The following CADPS variants were observed in gnomAD, a reference collection of about 807,000 sequenced individuals.
The protein encoded by CADPS is calcium dependent secretion activator.
In CADPS, 57 loss-of-function variants were observed where a neutral mutation model predicts 167.3. The observed-to-expected ratio is 0.34, with a 90% CI of 0.28 to 0.42. CADPS has a LOEUF of 0.42. CADPS is among the 20% of genes least tolerant of loss of function. The probability of loss-of-function intolerance (pLI) is 1.00; values close to 1 mark genes in which losing one functional copy is unlikely to be tolerated. For missense variants in CADPS, 1,414 were observed against 1,738.1 expected (o/e 0.81, Z 3.32); for synonymous variants, 676 against 635.3 (o/e 1.06, Z -0.96).
intron 28 of CADPS, chr3:62,404,531 GAC>G (rs1272423916): frequency 1.3e-5 from 2 of 152,222 alleles, no homozygotes; most frequent in South Asian, 2.1e-4. Flanking sequence ...TGCAAGAAAC[GAC>G]ACAGTCTCAG....
At chr3:62,820,864 G>A (rs1162642674) in intron 1 of CADPS, among the ~76,000 whole-genome samples, 6 of 148,604 alleles carry the variant, frequency 4.0e-5, no homozygotes, top group African/African-American at 1.5e-4. Context: ...GCAGTGGTGC[G>A]ATCTTGGCTC....
chr3:62,771,012 T>A (rs562327043), intron 1 of CADPS, among the ~76,000 whole-genome samples: 18 of 152,192 alleles, frequency 1.2e-4, no homozygotes, highest in Non-Finnish European at 2.6e-4. Flanking sequence ...ATACCACAAT[T>A]TATCCATTTT....
chr3:62,560,327 G>T lies in CADPS; in HGVS notation c.1645-2814C>A, dbSNP rs558215818. Among the ~76,000 whole-genome samples the T allele has an allele frequency of 3.3e-5, 5 of 152,258 alleles. No homozygotes were observed. The East Asian group carries it at 9.7e-4, about 29-fold the overall frequency. Reference sequence around the variant, plus strand: ...TTCCACAAGACCACACTAAGTAAAAGCCATTTCCCATGAAATGCATGTTCC... The same window carrying T: ...TTCCACAAGACCACACTAAGTAAAATCCATTTCCCATGAAATGCATGTTCC... On this transcript the variant is annotated intron_variant, in intron 9 of 29. Coordinates refer to ENST00000383710, the MANE Select transcript of CADPS (RefSeq NM_003716.4).
intron 6 of CADPS, among the ~76,000 whole-genome samples, chr3:62,639,651 T>C (rs1372812438): frequency 1.3e-5 from 2 of 152,212 alleles, no homozygotes; most frequent in East Asian, 1.9e-4. Context: ...TCCTTAAAGA[T>C]ATTTCAGGTT....
intron 17 of CADPS, chr3:62,500,063 T>C (rs1036620558): frequency 6.6e-6 from 1 of 152,230 alleles, no homozygotes; most frequent in Non-Finnish European, 1.5e-5. Context: ...AGTTTGACAA[T>C]GTCATTATGT....
At chr3:62,755,636 T>C (rs1343906846) in intron 2 of CADPS, among the ~76,000 whole-genome samples, 3 of 152,302 alleles carry the variant, frequency 2.0e-5, no homozygotes, top group Admixed American at 1.3e-4. Flanking sequence ...CGGTTTATTG[T>C]TGACTTTAAT....
At position 62,715,753 on chromosome 3, in the gene CADPS, C is replaced by CTTTTTTTTTT. The variant is rs71123291; in HGVS notation, c.888+37678_888+37687dup. Among the ~76,000 whole-genome samples, 61 of 89,696 alleles carry CTTTTTTTTTT rather than the reference C, an allele frequency of 6.8e-4. 2 individuals carry two copies. Among genetic ancestry groups the CTTTTTTTTTT allele is most frequent in the East Asian group, 1.2e-3 (3 of 2,596 alleles). The allele number at this position is 89,696 out of a possible 152,430, so 58.8% of individuals were successfully genotyped here. ...ATTTCAATTTATAATGATTATAAAT[C>CTTTTTTTTTT]TTTTTTTTTTTTTTTTTTTTTGAGA... On this transcript the variant is annotated intron_variant, in intron 3 of 29. Transcript: ENST00000383710.
rs1013221371 is a variant in CADPS at position 62,413,444 on chromosome 3, A to G, written c.3778-10259T>C. 1.5e-4 allele frequency among the ~76,000 whole-genome samples: 23 copies of G among 152,198 alleles called. 1 individual carries two copies. Among genetic ancestry groups the G allele is most frequent in the Middle Eastern group, 6.3e-3 (2 of 316 alleles). On this transcript the variant is annotated intron_variant, in intron 28 of 29. Coordinates refer to ENST00000383710, the MANE Select transcript of CADPS (RefSeq NM_003716.4). ...ATACAATGGAATATTATTCAGCCTT[A>G]AAAAGGAAGGAAATCCTGTCACATG...
chr3:62,632,839 G>C (rs573596687), intron 6 of CADPS, among the ~76,000 whole-genome samples: 2 of 151,916 alleles, frequency 1.3e-5, no homozygotes, highest in African/African-American at 2.4e-5. Flanking sequence ...TAAAAGACAC[G>C]TCTCTGCTAA....
rs34328613 is a variant in CADPS at position 62,663,611 on chromosome 3, C to CAA, written c.889-1219_889-1218dup. Among the ~76,000 whole-genome samples the CAA allele has an allele frequency of 9.3e-3, 1,115 of 120,104 alleles. 9 individuals carry two copies. The highest frequency in any genetic ancestry group is 0.026 in the African/African-American group (791 of 30,568). The allele number at this position is 120,104 out of a possible 152,430, so 78.8% of individuals were successfully genotyped here. A position where few individuals can be genotyped will look rare whatever the true frequency, so the allele number is the denominator to read the frequency against. ...AAGAAAGTTTAAAGCTCCCTGCCTC[C>CAA]AAAAAAAAAAAAAAAAAAAAGATTC... On this transcript the variant is annotated intron_variant, in intron 3 of 29. Transcript: ENST00000383710.
intron 3 of CADPS, among the ~76,000 whole-genome samples, chr3:62,739,759 G>C (rs1298302482): frequency 1.3e-5 from 2 of 152,160 alleles, no homozygotes; most frequent in Non-Finnish European, 2.9e-5. Flanking sequence ...ATGCCAGAAA[G>C]CAAACACACC....
chr3:62,699,295 C>G (rs532946759), intron 3 of CADPS, among the ~76,000 whole-genome samples: 1 of 152,138 alleles, frequency 6.6e-6, no homozygotes, highest in South Asian at 2.1e-4. Context: ...CCTCAGTCTC[C>G]CAAAGTGCTG....
intron 6 of CADPS, among the ~76,000 whole-genome samples, chr3:62,635,367 AGTCATGGGAG>A (rs1365184514): frequency 6.6e-6 from 1 of 152,176 alleles, no homozygotes; most frequent in East Asian, 1.9e-4. Flanking sequence ...GCATGTATAA[AGTCATGGGAG>A]ACAAGAGCCC....
At chr3:62,786,483 AT>A (rs935506031) in intron 1 of CADPS, among the ~76,000 whole-genome samples, 1 of 152,150 alleles carries the variant, frequency 6.6e-6, no homozygotes, top group Non-Finnish European at 1.5e-5. Context: ...CTCTAAAAAA[AT>A]AAATACATTA....
intron 3 of CADPS, among the ~76,000 whole-genome samples, chr3:62,665,599 T>C (rs1378899745): frequency 1.3e-5 from 2 of 152,228 alleles, no homozygotes; most frequent in Non-Finnish European, 2.9e-5. Context: ...CCTCACTTTG[T>C]TCCTTGTAGA....
chr3:62,716,583 C>T (rs141381399), intron 3 of CADPS, among the ~76,000 whole-genome samples: 27 of 152,228 alleles, frequency 1.8e-4, no homozygotes, highest in African/African-American at 6.3e-4. Flanking sequence ...TAGATACTGT[C>T]ACCCAAACAA....
intron 4 of CADPS, among the ~76,000 whole-genome samples, chr3:62,652,884 A>G (rs2070584293): frequency 6.6e-6 from 1 of 152,108 alleles, no homozygotes; most frequent in South Asian, 2.1e-4. Flanking sequence ...CTGTTAGTTA[A>G]AAGGGTTTTT....
At position 62,479,226 on chromosome 3, in the gene CADPS, G is replaced by A. The variant is rs1228247657; in HGVS notation, c.3174-810C>T. ...TTTTGATGCCTTTCTATACGATGAC[G>A]TCTAAGAAACTTTTACCTGGGGCAT... On this transcript the variant is annotated intron_variant, in intron 22 of 29. Transcript: ENST00000383710. Among the ~76,000 whole-genome samples the A allele has an allele frequency of 2.6e-5, 4 of 152,298 alleles. No individual in the cohort carries two copies. In the South Asian group the frequency reaches 6.2e-4, roughly 24 times the overall value.
intron 1 of CADPS, among the ~76,000 whole-genome samples, chr3:62,845,076 G>A (rs78194220): frequency 0.014 from 2,114 of 152,296 alleles, 37 homozygotes; most frequent in African/African-American, 0.048. Flanking sequence ...ACTGGACACA[G>A]GATGCTATCA....
Sources: allele counts gnomAD v4.1 joint callset (sites outside exome capture counted in the v4.1 genomes callset), GRCh38; gene constraint gnomAD v4.1.1; transcripts MANE v1.5; gene names NCBI Gene and HGNC (gene_info 2026-07-23, HGNC 2026-07-21).